TMCC1: variants seen among roughly 807,000 people sequenced by gnomAD.
TMCC1 encodes the protein transmembrane and coiled-coil domains protein 1.
Under a neutral mutation model 52.4 loss-of-function variants are expected in TMCC1, and 15 were observed. That is an observed-to-expected ratio of 0.29 (90% confidence interval 0.19 to 0.44). The LOEUF (loss-of-function observed/expected upper bound fraction) is 0.44. Among genes scored for constraint, TMCC1 ranks in the 20% least tolerant of loss-of-function variants. TMCC1 has a pLI of 1.00. For synonymous variants in TMCC1, 279 were observed against 301.9 expected (o/e 0.92, Z 0.79); for missense variants, 503 against 806.0 (o/e 0.62, Z 4.55).
chr3:129,741,372 A>C (rs1384108184), intron 4 of TMCC1, among the ~76,000 whole-genome samples: 1 of 152,144 alleles, frequency 6.6e-6, no homozygotes, highest in Non-Finnish European at 1.5e-5. Context: ...AAAGTTTCCA[A>C]AGTAATTTGA....
intron 4 of TMCC1, among the ~76,000 whole-genome samples, chr3:129,689,700 C>T (rs1170064116): frequency 6.6e-6 from 1 of 152,152 alleles, no homozygotes; most frequent in Non-Finnish European, 1.5e-5. Context: ...TTCACTTAAA[C>T]CATACAAAGC....
intron 4 of TMCC1, among the ~76,000 whole-genome samples, chr3:129,780,433 C>A (rs557763522): frequency 6.6e-6 from 1 of 152,130 alleles, no homozygotes; most frequent in Admixed American, 6.6e-5. Flanking sequence ...ACCCCTCCAC[C>A]CCTCTATTTT....
intron 4 of TMCC1, among the ~76,000 whole-genome samples, chr3:129,812,102 G>A (rs1250203355): frequency 6.6e-6 from 1 of 152,026 alleles, no homozygotes; most frequent in Non-Finnish European, 1.5e-5. Context: ...AGCACTTTGG[G>A]AGGCCAAGGT....
intron 4 of TMCC1, among the ~76,000 whole-genome samples, chr3:129,760,122 C>T (rs1456090935): frequency 6.6e-6 from 1 of 152,126 alleles, no homozygotes; most frequent in Non-Finnish European, 1.5e-5. Flanking sequence ...AACCCCTCTT[C>T]CCTGCACTGT....
At chr3:129,864,741 T>C (rs1453906290) in intron 2 of TMCC1, among the ~76,000 whole-genome samples, 1 of 152,202 alleles carries the variant, frequency 6.6e-6, no homozygotes, top group Non-Finnish European at 1.5e-5. Flanking sequence ...AGATGCTGTC[T>C]CACAAAACAA....
chr3:129,814,796 A>T (rs2058015874), intron 4 of TMCC1, among the ~76,000 whole-genome samples: 1 of 152,202 alleles, frequency 6.6e-6, no homozygotes, highest in South Asian at 2.1e-4. Context: ...AGACTATAGG[A>T]AGAGACAAAG....
rs2086145839 is a variant in TMCC1 at position 129,648,457 on chromosome 3, G to A, written c.*3024C>T. 6.6e-6 allele frequency: 1 copy of A among 152,226 alleles called. No homozygotes were observed. The highest frequency in any genetic ancestry group is 1.5e-5 in the Non-Finnish European group (1 of 68,054). 9.4% of individuals were successfully genotyped at this position (152,226 alleles called of 1,614,324 possible). A position where few individuals can be genotyped will look rare whatever the true frequency, so the allele number is the denominator to read the frequency against. ...AATTTAACCTACTTTTGCTTCTTAA[G>A]GAGCCAGTAGAGTGGAAAGCCTTCC... On this transcript the variant is annotated 3_prime_UTR_variant, in exon 7 of 7. Transcript: ENST00000393238.
chr3:129,720,989 G>A (rs1224805938), intron 4 of TMCC1, among the ~76,000 whole-genome samples: 1 of 152,124 alleles, frequency 6.6e-6, no homozygotes, highest in Non-Finnish European at 1.5e-5. Context: ...CACTGTGCCT[G>A]GCTAAGCCAC....
In TMCC1 at chr3:129,887,512, A is replaced by G. The variant is rs1352667684; in HGVS notation, c.-435+5982T>C. On this transcript the variant is annotated intron_variant, in intron 1 of 6. Coordinates refer to ENST00000393238, the MANE Select transcript of TMCC1 (RefSeq NM_001017395.5). The stretch of plus-strand genomic sequence containing the variant: ...AGCCAAGATCGCGCCACTGCACTCC[A>G]ACCTGGCGACAGAGCAAGACTCCGT... Among the ~76,000 whole-genome samples the G allele has an allele frequency of 4.0e-5, 6 of 150,728 alleles. No individual in the cohort carries two copies. In the East Asian group the frequency reaches 9.7e-4, roughly 24 times the overall value.
intron 4 of TMCC1, among the ~76,000 whole-genome samples, chr3:129,671,537 A>G (rs2108889750): frequency 6.6e-6 from 1 of 152,356 alleles, no homozygotes; most frequent in East Asian, 1.9e-4. Flanking sequence ...GTGTTTCTTC[A>G]CACAATAACA....
intron 4 of TMCC1, among the ~76,000 whole-genome samples, chr3:129,675,954 G>A (rs1171232464): frequency 2.0e-5 from 3 of 148,954 alleles, no homozygotes; most frequent in African/African-American, 5.1e-5. Context: ...GGAGAATGGC[G>A]TGAACCTGGG....
chr3:129,803,413 A>G (rs1433893535), intron 4 of TMCC1, among the ~76,000 whole-genome samples: 1 of 152,192 alleles, frequency 6.6e-6, no homozygotes, highest in African/African-American at 2.4e-5. Context: ...AAAGATGAAA[A>G]AATTTTGGAA....
intron 4 of TMCC1, among the ~76,000 whole-genome samples, chr3:129,731,569 C>T (rs978526162): frequency 5.3e-5 from 8 of 152,128 alleles, no homozygotes; most frequent in Non-Finnish European, 8.8e-5. Context: ...CAGAGTGAGA[C>T]TCCGTCTCTA....
intron 4 of TMCC1, among the ~76,000 whole-genome samples, chr3:129,793,999 T>C (rs1370851967): frequency 6.6e-6 from 1 of 152,176 alleles, no homozygotes; most frequent in Admixed American, 6.5e-5. Flanking sequence ...ACAGATTAAT[T>C]GCTTATTAAA....
At chr3:129,873,167 C>A (rs2061012214) in intron 2 of TMCC1, among the ~76,000 whole-genome samples, 1 of 152,062 alleles carries the variant, frequency 6.6e-6, no homozygotes, top group South Asian at 2.1e-4. Flanking sequence ...TCCCAAAGTG[C>A]TGGGATAACA....
rs1235159796 is a variant in TMCC1, at chr3:129,828,554, T to C, written c.-130-46A>G. 6 of 599,342 alleles carry C rather than the reference T, an allele frequency of 1.0e-5. No homozygotes were observed. In the East Asian group the frequency reaches 1.7e-4, roughly 17 times the overall value. The allele number at this position is 599,342 out of a possible 1,614,324, so 37.1% of individuals were successfully genotyped here. A position where few individuals can be genotyped will look rare whatever the true frequency, so the allele number is the denominator to read the frequency against. Reference sequence around the variant, plus strand: ...ACAAAAAAACAAAAAAAAAACCTTATATTATAAATCCATGCAGAAACTCCA... The same window carrying C: ...ACAAAAAAACAAAAAAAAAACCTTACATTATAAATCCATGCAGAAACTCCA... On this transcript the variant is annotated intron_variant, in intron 3 of 6. Coordinates refer to ENST00000393238, the MANE Select transcript of TMCC1 (RefSeq NM_001017395.5). The surrounding 1 kb of genome is among the most constrained non-coding windows in gnomAD (Gnocchi z 4.1).
intron 4 of TMCC1, among the ~76,000 whole-genome samples, chr3:129,715,679 A>G (rs2049026112): frequency 6.6e-6 from 1 of 152,118 alleles, no homozygotes; most frequent in African/African-American, 2.4e-5. Flanking sequence ...AGTTCTCTGT[A>G]CTTCTAAACT....
chr3:129,698,252 G>A (rs978291258), intron 4 of TMCC1, among the ~76,000 whole-genome samples: 7 of 152,166 alleles, frequency 4.6e-5, no homozygotes, highest in Non-Finnish European at 1.0e-4. Flanking sequence ...GCAAAGGCAC[G>A]TCTTACTTGG....
intron 4 of TMCC1, among the ~76,000 whole-genome samples, chr3:129,787,243 C>G (rs938580104): frequency 1.3e-5 from 2 of 152,036 alleles, no homozygotes; most frequent in South Asian, 4.1e-4. Flanking sequence ...TGACAAAAAC[C>G]TTTGGAATAA....
Sources: allele counts gnomAD v4.1 joint callset (sites outside exome capture counted in the v4.1 genomes callset), GRCh38; gene constraint gnomAD v4.1.1; non-coding constraint Gnocchi (gnomAD v3.1); transcripts MANE v1.5; gene names NCBI Gene and HGNC (gene_info 2026-07-23, HGNC 2026-07-21).